Variants in TNIK observed in about 807,000 individuals in gnomAD.
TNIK encodes the protein TRAF2 and NCK-interacting protein kinase.
Under a neutral mutation model 191.3 loss-of-function variants are expected in TNIK, and 49 were observed. The observed-to-expected ratio is 0.26, with a 90% CI of 0.20 to 0.32. The LOEUF (loss-of-function observed/expected upper bound fraction) is 0.32. Among genes scored for constraint, TNIK ranks in the 10% least tolerant of loss-of-function variants. The pLI is 1.00. For missense variants in TNIK, 1,155 were observed against 1,702.3 expected (o/e 0.68, Z 5.66); for synonymous variants, 594 against 600.9 (o/e 0.99, Z 0.17).
intron 29 of TNIK, among the ~76,000 whole-genome samples, chr3:171,069,767 G>C (rs912173842): frequency 1.3e-5 from 2 of 152,218 alleles, no homozygotes; most frequent in South Asian, 4.1e-4. Context: ...TGGGCCTTGA[G>C]ATCTGGGAGA....
At chr3:171,197,388 A>T (rs1169528810) in intron 4 of TNIK, among the ~76,000 whole-genome samples, 2 of 148,180 alleles carry the variant, frequency 1.3e-5, no homozygotes, top group Non-Finnish European at 3.0e-5. Flanking sequence ...CACCAAAATA[A>T]AAAAAAAAGA....
At chr3:171,433,252 T>C (rs2108664616) in intron 1 of TNIK, among the ~76,000 whole-genome samples, 1 of 152,272 alleles carries the variant, frequency 6.6e-6, no homozygotes, top group African/African-American at 2.4e-5. Context: ...ACACATCATT[T>C]ATGGCTGTAA....
chr3:171,175,816 C>T (rs962941444), intron 8 of TNIK, among the ~76,000 whole-genome samples: 3 of 152,212 alleles, frequency 2.0e-5, no homozygotes, highest in Admixed American at 6.5e-5. Flanking sequence ...GAGTCCAAAA[C>T]ACCAGCCCCA....
intron 23 of TNIK, among the ~76,000 whole-genome samples, chr3:171,088,114 A>T (rs900056418): frequency 6.6e-6 from 1 of 152,234 alleles, no homozygotes; most frequent in African/African-American, 2.4e-5. Flanking sequence ...AACTATCATA[A>T]ATGTTTATGT....
Position 171,263,118 on chromosome 3 carries a change from A to G in TNIK, c.124-34897T>C, listed in dbSNP as rs917864988. Among the ~76,000 whole-genome samples, 17 of 152,244 alleles carry G rather than the reference A, an allele frequency of 1.1e-4. No homozygotes were observed. The East Asian group carries it at 3.3e-3, about 29-fold the overall frequency. ...CTTGAAAATTCACCAGGCTATTCCC[A>G]GCCTTAAAAACAAGCAAGTTGGGAT... On this transcript the variant is annotated intron_variant, in intron 2 of 32. Coordinates refer to ENST00000436636, the MANE Select transcript of TNIK (RefSeq NM_015028.4).
At chr3:171,084,702 A>T (rs1310938167) in intron 25 of TNIK, among the ~76,000 whole-genome samples, 2 of 152,224 alleles carry the variant, frequency 1.3e-5, no homozygotes, top group Non-Finnish European at 2.9e-5. Context: ...GAAGATTAGA[A>T]AGCAAGACTC....
rs970656923 is a variant in TNIK at position 171,060,424 on chromosome 3, T to C, written c.*3457A>G. On this transcript the variant is annotated 3_prime_UTR_variant, in exon 33 of 33. Transcript: ENST00000436636. ...TAAAAAACATGTACTTGATGCAAAG[T>C]ATATTAGGAGTGCACCCTAGAAAAC... is the stretch of plus-strand genomic sequence containing the variant. Among the ~76,000 whole-genome samples, 7 of 152,204 alleles carry C rather than the reference T, an allele frequency of 4.6e-5. No homozygotes were observed.
At chr3:171,424,496 G>A (rs1724264260) in intron 1 of TNIK, among the ~76,000 whole-genome samples, 1 of 152,144 alleles carries the variant, frequency 6.6e-6, no homozygotes, top group Non-Finnish European at 1.5e-5. Context: ...TATACCCAAA[G>A]GAGTATAAAA....
chr3:171,147,469 T>C (rs1203887623), intron 12 of TNIK, among the ~76,000 whole-genome samples: 1 of 152,204 alleles, frequency 6.6e-6, no homozygotes, highest in African/African-American at 2.4e-5. Context: ...TTTGGAAAGA[T>C]CATTGCAAAC....
chr3:171,372,252 G>A (rs1454855525), intron 1 of TNIK, among the ~76,000 whole-genome samples: 1 of 152,214 alleles, frequency 6.6e-6, no homozygotes, highest in Admixed American at 6.5e-5. Flanking sequence ...CAAACTGCTA[G>A]GAGAAGGTTT....
intron 10 of TNIK, among the ~76,000 whole-genome samples, chr3:171,165,105 T>G (rs1037452680): frequency 1.3e-5 from 2 of 151,404 alleles, no homozygotes; most frequent in Non-Finnish European, 2.9e-5. Context: ...CTGGGCAACA[T>G]AGTGAGACCT....
chr3:171,113,110 T>A (rs536135624), intron 18 of TNIK, among the ~76,000 whole-genome samples: 6 of 152,352 alleles, frequency 3.9e-5, no homozygotes, highest in Non-Finnish European at 7.3e-5. Flanking sequence ...GGTACAGTTT[T>A]AAAAAGTGAC....
chr3:171,409,385 T>C (rs1722109298), intron 1 of TNIK, among the ~76,000 whole-genome samples: 1 of 152,144 alleles, frequency 6.6e-6, no homozygotes, highest in Non-Finnish European at 1.5e-5. Context: ...ACACCATCTG[T>C]AGGAACAACG....
chr3:171,305,176 A>G (rs1233191166), intron 2 of TNIK, among the ~76,000 whole-genome samples: 1 of 152,070 alleles, frequency 6.6e-6, no homozygotes, highest in African/African-American at 2.4e-5. Flanking sequence ...CTAAAGCATA[A>G]CCTGACTTTA....
At chr3:171,125,252 C>A (rs1284919475) in intron 17 of TNIK, among the ~76,000 whole-genome samples, 1 of 152,184 alleles carries the variant, frequency 6.6e-6, no homozygotes, top group African/African-American at 2.4e-5. Context: ...TAGCTAGATG[C>A]ACACAGCCAC....
intron 2 of TNIK, among the ~76,000 whole-genome samples, chr3:171,274,797 G>A (rs966238266): frequency 3.9e-5 from 6 of 152,174 alleles, no homozygotes; most frequent in African/African-American, 1.4e-4. Flanking sequence ...AATATCCTGA[G>A]GAGGTCCAAA....
chr3:171,080,445 T>A (rs1216128565), intron 27 of TNIK, among the ~76,000 whole-genome samples: 2 of 121,530 alleles, frequency 1.6e-5, no homozygotes, highest in African/African-American at 7.0e-5. Flanking sequence ...ATTTATTTAT[T>A]TTTTTTTGAG....
intron 24 of TNIK, among the ~76,000 whole-genome samples, chr3:171,086,407 C>G (rs1259507111): frequency 1.3e-5 from 2 of 152,174 alleles, no homozygotes; most frequent in African/African-American, 4.8e-5. Context: ...CCACATAGAG[C>G]TGGGGCAGCA....
chr3:171,313,264 CTTTCT>C (rs869175548), intron 2 of TNIK, among the ~76,000 whole-genome samples: 3 of 144,396 alleles, frequency 2.1e-5, no homozygotes, highest in Admixed American at 1.4e-4. Context: ...TTCTTTCTTT[CTTTCT>C]TTTTTTTTAA....
Sources: allele counts gnomAD v4.1 joint callset (sites outside exome capture counted in the v4.1 genomes callset), GRCh38; gene constraint gnomAD v4.1.1; transcripts MANE v1.5; gene names NCBI Gene and HGNC (gene_info 2026-07-23, HGNC 2026-07-21).